Variants in DLC1 observed in about 807,000 individuals in gnomAD.
DLC1 encodes rho GTPase-activating protein 7.
In DLC1, 54 loss-of-function variants were observed where a neutral mutation model predicts 140.3. The ratio of observed to expected loss-of-function variants is 0.38; its 90% CI spans 0.31 to 0.48. The LOEUF (loss-of-function observed/expected upper bound fraction) is 0.48. Among genes scored for constraint, DLC1 ranks in the 20% least tolerant of loss-of-function variants. The pLI, the probability that DLC1 is intolerant of heterozygous loss-of-function variation, is 0.96. For missense variants in DLC1, 2,536 were observed against 1,907.0 expected (o/e 1.33, Z -6.14); for synonymous variants, 986 against 728.1 (o/e 1.35, Z -5.70).
At chr8:13,394,308 A>C (rs1836915506) in intron 3 of DLC1, among the ~76,000 whole-genome samples, 1 of 152,218 alleles carries the variant, frequency 6.6e-6, no homozygotes, top group African/African-American at 2.4e-5. Context: ...GTAGACACTC[A>C]TGGAGTTTCA....
At chr8:13,506,941 T>TA (rs1802118180) in intron 1 of DLC1, among the ~76,000 whole-genome samples, 2 of 152,104 alleles carry the variant, frequency 1.3e-5, no homozygotes, top group African/African-American at 4.8e-5. Flanking sequence ...TACTGTATCT[T>TA]AGCCTACTCT....
intron 5 of DLC1, among the ~76,000 whole-genome samples, chr8:13,156,712 A>G (rs1824285725): frequency 2.0e-5 from 3 of 152,198 alleles, no homozygotes. Flanking sequence ...GCTAAAGAGA[A>G]TGTTCGCAAC....
At chr8:13,328,562 G>A (rs1174872051) in intron 4 of DLC1, among the ~76,000 whole-genome samples, 1 of 152,206 alleles carries the variant, frequency 6.6e-6, no homozygotes, top group African/African-American at 2.4e-5. Flanking sequence ...ACTAGAGAGA[G>A]TTGTGAAACT....
chr8:13,574,584 TATA>T (rs1804772809), intron 1 of DLC1, among the ~76,000 whole-genome samples: 1 of 152,078 alleles, frequency 6.6e-6, no homozygotes, highest in Non-Finnish European at 1.5e-5. Context: ...AGTACATAAT[TATA>T]CAAATGTATA....
chr8:13,267,319 C>CTT (rs35952220), intron 5 of DLC1, among the ~76,000 whole-genome samples: 4 of 145,374 alleles, frequency 2.8e-5, no homozygotes, highest in Non-Finnish European at 3.0e-5. Context: ...TCTAGTTTAG[C>CTT]TTTTTTTTTT....
chr8:13,549,407 A>G (rs888223931), intron 1 of DLC1, among the ~76,000 whole-genome samples: 2 of 152,182 alleles, frequency 1.3e-5, no homozygotes, highest in Non-Finnish European at 2.9e-5. Context: ...AAAGTATTTC[A>G]AAACACTCTA....
intron 5 of DLC1, among the ~76,000 whole-genome samples, chr8:13,124,269 G>C (rs1020343470): frequency 6.6e-6 from 1 of 152,140 alleles, no homozygotes; most frequent in Admixed American, 6.5e-5. Flanking sequence ...GTCTGCCTGG[G>C]CCCAGTCTGT....
intron 2 of DLC1, among the ~76,000 whole-genome samples, chr8:13,458,274 G>A (rs1390729945): frequency 1.3e-5 from 2 of 152,140 alleles, no homozygotes; most frequent in East Asian, 3.9e-4. Flanking sequence ...ATTTTGGCAA[G>A]ATCCATAATT....
At chr8:13,412,445 C>G (rs1185082456) in intron 2 of DLC1, among the ~76,000 whole-genome samples, 1 of 152,030 alleles carries the variant, frequency 6.6e-6, no homozygotes, top group East Asian at 1.9e-4. Flanking sequence ...ACAGTATAAT[C>G]AATACTGTCT....
At chr8:13,319,821 CTTTTTTT>C (rs57585674) in intron 4 of DLC1, among the ~76,000 whole-genome samples, 1 of 88,978 alleles carries the variant, frequency 1.1e-5, no homozygotes, top group Non-Finnish European at 1.9e-5. Flanking sequence ...CTCTCTCTCT[CTTTTTTT>C]TTTTTTTTTT....
rs1817764238 is a variant in DLC1, at chr8:13,088,542, G to T, written c.4237C>A (p.Gln1413Lys). Residue 1413 changes from glutamine (Q) to lysine (K), a missense_variant, in exon 16 of 18, where the codon CAG becomes AAG. Gln to Lys is a moderately conservative substitution (Grantham distance 53, BLOSUM62 1). Transcript: ENST00000276297. ...EILDSQTEIY[Q>K]YVQNSMAPHP... ...GGTGCCATACTGTTTTGGACATACT[G>T]GTAAATTTCAGTTTGGCTGTCCAGA... 6.2e-7 allele frequency: 1 copy of T among 1,614,046 alleles called. No individual in the cohort carries two copies. Among genetic ancestry groups the T allele is most frequent in the African/African-American group, 1.3e-5 (1 of 74,904 alleles).
intron 2 of DLC1, among the ~76,000 whole-genome samples, chr8:13,415,276 T>A (rs777378055): frequency 6.6e-6 from 1 of 152,210 alleles, no homozygotes; most frequent in East Asian, 1.9e-4. Flanking sequence ...AAATACATTT[T>A]GAAATTTAAA....
At chr8:13,281,001 G>T (rs1315626161) in intron 5 of DLC1, among the ~76,000 whole-genome samples, 1 of 152,170 alleles carries the variant, frequency 6.6e-6, no homozygotes, top group Non-Finnish European at 1.5e-5. Flanking sequence ...CTCCACAGAA[G>T]ATCTTCTCCA....
chr8:13,252,587 A>T (rs1481846902), intron 5 of DLC1, among the ~76,000 whole-genome samples: 1 of 152,204 alleles, frequency 6.6e-6, no homozygotes, highest in East Asian at 1.9e-4. Flanking sequence ...CTTATTTACT[A>T]AGGGCTATTA....
chr8:13,090,242 G>A lies in DLC1; in HGVS notation c.4074+10C>T, dbSNP rs1817932310. 1 of 1,612,272 alleles carries A rather than the reference G, an allele frequency of 6.2e-7. No individual in the cohort carries two copies. Among genetic ancestry groups the A allele is most frequent in the Non-Finnish European group, 8.5e-7 (1 of 1,179,164 alleles). ...GGACTCAACTAGCCGACAACAGGGT[G>A]AAGCCTTACCTTCTTATAGGACAGC... On this transcript the variant is annotated intron_variant, in intron 15 of 17. Coordinates refer to ENST00000276297, the MANE Select transcript of DLC1 (RefSeq NM_182643.3).
chr8:13,456,210 A>T (rs1799383187), intron 2 of DLC1, among the ~76,000 whole-genome samples: 2 of 152,300 alleles, frequency 1.3e-5, no homozygotes, highest in African/African-American at 2.4e-5. Flanking sequence ...TTGCATCTAT[A>T]GATGGTTACT....
chr8:13,095,063 G>A, intron 11 of DLC1, 23 bp downstream of exon 11: 2 of 1,613,920 alleles, frequency 1.2e-6, no homozygotes, highest in Non-Finnish European at 1.7e-6. Context: ...CTGAGTACGT[G>A]GACCCGCAGG....
intron 5 of DLC1, among the ~76,000 whole-genome samples, chr8:13,271,637 C>T (rs1255490800): frequency 6.6e-6 from 1 of 152,200 alleles, no homozygotes; most frequent in Non-Finnish European, 1.5e-5. Flanking sequence ...TTGCCCTCTT[C>T]ATAGGCAATT....
At chr8:13,122,502 A>G (rs1444405989) in intron 5 of DLC1, among the ~76,000 whole-genome samples, 2 of 152,214 alleles carry the variant, frequency 1.3e-5, no homozygotes, top group Non-Finnish European at 2.9e-5. Flanking sequence ...AGAAAAAAAA[A>G]AATCTATTAC....
Sources: allele counts gnomAD v4.1 joint callset (sites outside exome capture counted in the v4.1 genomes callset), GRCh38; gene constraint gnomAD v4.1.1; transcripts MANE v1.5; gene names NCBI Gene and HGNC (gene_info 2026-07-23, HGNC 2026-07-21).